PEBP4: variants seen among roughly 807,000 people sequenced by gnomAD.
PEBP4 encodes the protein phosphatidylethanolamine-binding protein 4.
PEBP4 carries 22 observed loss-of-function variants against 23.9 expected under a neutral mutation model. The ratio of observed to expected loss-of-function variants is 0.92; its 90% CI spans 0.66 to 1.31. PEBP4 has a LOEUF of 1.31. PEBP4 is among the 40% of genes most tolerant of loss of function. PEBP4 has a pLI of 0.00. For synonymous variants in PEBP4, 112 were observed against 99.3 expected (o/e 1.13, Z -0.76); for missense variants, 324 against 281.7 (o/e 1.15, Z -1.07).
At position 22,810,036 on chromosome 8, in the gene PEBP4, T is replaced by C. The variant is rs533889312; in HGVS notation, c.357+7601A>G. Reference sequence around the variant, plus strand: ...GCAGTTCAAATTCTTAGAAAGTTCTTCCTCATAAGGGACCAAAATGTGCTT... The same window carrying C: ...GCAGTTCAAATTCTTAGAAAGTTCTCCCTCATAAGGGACCAAAATGTGCTT... On this transcript the variant is annotated intron_variant, in intron 4 of 6. Coordinates refer to ENST00000256404, the MANE Select transcript of PEBP4 (RefSeq NM_144962.3). Among the ~76,000 whole-genome samples the C allele has an allele frequency of 7.9e-4, 120 of 152,362 alleles. 1 individual carries two copies. Among genetic ancestry groups the C allele is most frequent in the African/African-American group, 2.8e-3 (118 of 41,590 alleles).
intron 3 of PEBP4, among the ~76,000 whole-genome samples, chr8:22,909,303 A>C (rs975773002): frequency 6.6e-6 from 1 of 152,098 alleles, no homozygotes; most frequent in African/African-American, 2.4e-5. Context: ...GCGGCTCTAC[A>C]CCTGGGCCAT....
chr8:22,921,100 C>T (rs1242597623), intron 2 of PEBP4, among the ~76,000 whole-genome samples: 11 of 152,374 alleles, frequency 7.2e-5, no homozygotes, highest in Non-Finnish European at 1.5e-5. Context: ...CATGACAGCA[C>T]CAGGCTGGCT....
At chr8:22,820,866 GA>G (rs911965133) in intron 3 of PEBP4, among the ~76,000 whole-genome samples, 1 of 152,192 alleles carries the variant, frequency 6.6e-6, no homozygotes, top group Admixed American at 6.5e-5. Context: ...AGGACCCACT[GA>G]AATTGTTTGA....
chr8:22,933,505 T>C (rs997923845), intron 1 of PEBP4, among the ~76,000 whole-genome samples: 1 of 152,178 alleles, frequency 6.6e-6, no homozygotes, highest in East Asian at 1.9e-4. Flanking sequence ...CCAGGGGGCA[T>C]TGGGATGATA....
At chr8:22,832,835 C>A (rs974499553) in intron 3 of PEBP4, among the ~76,000 whole-genome samples, 5 of 152,246 alleles carry the variant, frequency 3.3e-5, no homozygotes, top group African/African-American at 1.2e-4. Context: ...ATAGCAAACA[C>A]CCACCCCAGA....
chr8:22,762,496 G>A (rs1198601998), intron 4 of PEBP4, among the ~76,000 whole-genome samples: 1 of 152,116 alleles, frequency 6.6e-6, no homozygotes, highest in African/African-American at 2.4e-5. Context: ...TTGAGAAAAA[G>A]CAAGGTCAAT....
intron 1 of PEBP4, among the ~76,000 whole-genome samples, chr8:22,940,063 T>C (rs878966073): frequency 6.6e-6 from 1 of 152,078 alleles, no homozygotes; most frequent in Non-Finnish European, 1.5e-5. Context: ...AGGTTGAATG[T>C]TTTGTCCATC....
At chr8:22,779,356 A>G (rs1299872531) in intron 4 of PEBP4, among the ~76,000 whole-genome samples, 3 of 152,182 alleles carry the variant, frequency 2.0e-5, no homozygotes, top group Non-Finnish European at 4.4e-5. Context: ...CTGCAGAGAA[A>G]TAAGTGACTT....
intron 3 of PEBP4, among the ~76,000 whole-genome samples, chr8:22,821,297 A>G (rs1487670082): frequency 1.3e-5 from 2 of 152,242 alleles, no homozygotes; most frequent in African/African-American, 2.4e-5. Context: ...GAAAACTGCA[A>G]TACTCTGGAG....
chr8:22,847,244 G>A (rs754751744), intron 3 of PEBP4, among the ~76,000 whole-genome samples: 12 of 152,118 alleles, frequency 7.9e-5, no homozygotes, highest in Non-Finnish European at 1.2e-4. Flanking sequence ...GGTCAGAGCC[G>A]AAAGTCAGAT....
At chr8:22,746,706 T>A (rs1457219999) in intron 4 of PEBP4, among the ~76,000 whole-genome samples, 1 of 151,984 alleles carries the variant, frequency 6.6e-6, no homozygotes, top group Non-Finnish European at 1.5e-5. Flanking sequence ...AGAGAACAGA[T>A]TTCTTCTGAC....
At chr8:22,735,546 T>C (rs1226275481) in intron 4 of PEBP4, among the ~76,000 whole-genome samples, 2 of 152,210 alleles carry the variant, frequency 1.3e-5, no homozygotes, top group African/African-American at 4.8e-5. Context: ...GGGATAAGAC[T>C]GGAATGGTAG....
At chr8:22,798,373 C>T (rs1203878045) in intron 4 of PEBP4, among the ~76,000 whole-genome samples, 5 of 152,144 alleles carry the variant, frequency 3.3e-5, no homozygotes, top group Non-Finnish European at 7.3e-5. Context: ...TTTATCTACT[C>T]TCACACACCA....
At chr8:22,882,810 T>C (rs1415072323) in intron 3 of PEBP4, among the ~76,000 whole-genome samples, 2 of 152,082 alleles carry the variant, frequency 1.3e-5, no homozygotes, top group Non-Finnish European at 2.9e-5. Context: ...CAGGCCACTA[T>C]CCACCTGCCC....
chr8:22,771,295 C>A (rs1484709533), intron 4 of PEBP4, among the ~76,000 whole-genome samples: 1 of 152,182 alleles, frequency 6.6e-6, no homozygotes, highest in Non-Finnish European at 1.5e-5. Flanking sequence ...TCGAGACCAG[C>A]CTAGCCAACA....
At chr8:22,818,155 C>A (rs1806785244) in intron 3 of PEBP4, among the ~76,000 whole-genome samples, 1 of 152,130 alleles carries the variant, frequency 6.6e-6, no homozygotes, top group South Asian at 2.1e-4. Flanking sequence ...AAGAACGGTA[C>A]CTATCACAAA....
chr8:22,940,442 C>A (rs1191461214), intron 1 of PEBP4, among the ~76,000 whole-genome samples: 2 of 151,404 alleles, frequency 1.3e-5, no homozygotes, highest in Non-Finnish European at 2.9e-5. Context: ...GTGCTCAAAT[C>A]ACGCTAGAGT....
chr8:22,940,724 C>T (rs1809601764), intron 1 of PEBP4, among the ~76,000 whole-genome samples: 1 of 152,080 alleles, frequency 6.6e-6, no homozygotes, highest in Non-Finnish European at 1.5e-5. Flanking sequence ...CTCCTGACCT[C>T]GTGATCTGCC....
chr8:22,830,859 A>G (rs1194556986), intron 3 of PEBP4, among the ~76,000 whole-genome samples: 1 of 152,162 alleles, frequency 6.6e-6, no homozygotes, highest in Admixed American at 6.5e-5. Context: ...GGTCTCTTTG[A>G]AACCCTAAGC....
Sources: allele counts gnomAD v4.1 joint callset (sites outside exome capture counted in the v4.1 genomes callset), GRCh38; gene constraint gnomAD v4.1.1; transcripts MANE v1.5; gene names NCBI Gene and HGNC (gene_info 2026-07-23, HGNC 2026-07-21).